ZNF577: variants seen among roughly 807,000 people sequenced by gnomAD.
ZNF577 encodes the protein zinc finger protein 577.
In ZNF577, 14 loss-of-function variants were observed where a neutral mutation model predicts 13.9. That is an observed-to-expected ratio of 1.00 (90% CI 0.66 to 1.57). The LOEUF is 1.57. Ranked by LOEUF, ZNF577 falls within the 40% of genes most tolerant of loss-of-function variation. ZNF577 has a pLI of 0.00. For missense variants in ZNF577, 555 were observed against 579.2 expected, an observed-to-expected ratio of 0.96 and a Z score of 0.43; for synonymous variants, 203 against 202.9, an observed-to-expected ratio of 1.00 and a Z score of 0.00.
chr19:51,880,896 A>G lies in ZNF577; in HGVS notation c.-218-19T>C, dbSNP rs1411502345. 6.5e-6 allele frequency: 1 copy of G among 154,674 alleles called. No homozygotes were observed. Among genetic ancestry groups the G allele is most frequent in the Non-Finnish European group, 1.4e-5 (1 of 69,508 alleles). 9.6% of individuals were successfully genotyped at this position (154,674 alleles called of 1,614,324 possible). A position where few individuals can be genotyped will look rare whatever the true frequency, so the allele number is the denominator to read the frequency against. On this transcript the variant is annotated intron_variant, in intron 1 of 5. Coordinates refer to ENST00000638348, the MANE Select transcript of ZNF577 (RefSeq NM_001370449.1). ...CCAGAACCTGTGGATTCAAGACCAA[A>G]TTCAATGATAAGAAGACATGCTCCT...
downstream of ZNF577, among the ~76,000 whole-genome samples, chr19:51,864,177 A>T (rs2084533833): frequency 6.6e-6 from 1 of 152,190 alleles, no homozygotes; most frequent in Admixed American, 6.5e-5. Context: ...ATGAGTACAG[A>T]TTTGCTACAT....
chr19:51,858,430 C>A (rs1462796220), intron 5 of ZNF577, among the ~76,000 whole-genome samples: 1 of 152,178 alleles, frequency 6.6e-6, no homozygotes, highest in Non-Finnish European at 1.5e-5. Flanking sequence ...GAACATATGA[C>A]ACACACAAAC....
At position 51,872,898 on chromosome 19, in the gene ZNF577, G is replaced by A. The variant is rs1329767986; in HGVS notation, c.1092C>T (p.Ala364=). ...CATGTTTAATGAGGACTGACATGTGGGCAAAGGCTTTGCCACATTCTCTGC... is the reference window on the plus strand; with the variant it reads ...CATGTTTAATGAGGACTGACATGTGAGCAAAGGCTTTGCCACATTCTCTGC... The part of the protein sequence containing the change: ...YSCRECGKAF[A]HMSVLIKHEK... The change falls in exon 6 of 6, where the codon GCC becomes GCT. Residue 364 remains alanine, a synonymous_variant. Coordinates refer to ENST00000638348, the MANE Select transcript of ZNF577 (RefSeq NM_001370449.1). The A allele has an allele frequency of 6.2e-7, 1 of 1,614,144 alleles. No homozygotes were observed. The highest frequency in any genetic ancestry group is 1.7e-5 in the Admixed American group (1 of 60,022).
chr19:51,848,175 A>T (rs2084363450), intron 5 of ZNF577, among the ~76,000 whole-genome samples: 2 of 152,186 alleles, frequency 1.3e-5, no homozygotes, highest in African/African-American at 2.4e-5. Context: ...CTGTCAGCGT[A>T]GGGCATGCTT....
intron 9 of ZNF577, among the ~76,000 whole-genome samples, chr19:51,813,119 AACACAC>A (rs35245083): frequency 0.014 from 1,929 of 137,200 alleles, 44 homozygotes; most frequent in African/African-American, 0.048. Context: ...GCTCTGTCTC[AACACAC>A]ACACACACAC....
rs1428158985 is a variant in ZNF577, at chr19:51,874,520, C to T, written c.284-814G>A. Among the ~76,000 whole-genome samples the T allele has an allele frequency of 4.0e-5, 6 of 151,650 alleles. No individual in the cohort carries two copies. The East Asian group carries it at 9.6e-4, about 24-fold the overall frequency. ...AAAAAATGTAAGAGAAGCTGGTTTACCCGGAATATCCTGAGCTTGAGTGAA... is the reference window on the plus strand; with the variant it reads ...AAAAAATGTAAGAGAAGCTGGTTTATCCGGAATATCCTGAGCTTGAGTGAA... On this transcript the variant is annotated intron_variant, in intron 5 of 5. Transcript: ENST00000638348.
At chr19:51,865,076 A>C (rs2084545394), downstream of ZNF577, among the ~76,000 whole-genome samples, 1 of 152,190 alleles carries the variant, frequency 6.6e-6, no homozygotes, top group Non-Finnish European at 1.5e-5. Context: ...TTCTGCATGC[A>C]ACAGTCAATG....
In ZNF577 at chr19:51,886,912, A is replaced by C. The variant is rs536080736; in HGVS notation, c.-310T>G. 4 of 152,368 alleles carry C rather than the reference A, an allele frequency of 2.6e-5. No individual in the cohort carries two copies. The South Asian group carries it at 8.3e-4, about 32-fold the overall frequency. The allele number at this position is 152,368 out of a possible 1,614,324, so 9.4% of individuals were successfully genotyped here. On this transcript the variant is annotated 5_prime_UTR_variant, in exon 1 of 6. Coordinates refer to ENST00000638348, the MANE Select transcript of ZNF577 (RefSeq NM_001370449.1). ...TATTTGCAGATGACAAAAATGCTCA[A>C]CTAGAAAAAAGACGTCAATTTATAA...
intron 10 of ZNF577, chr19:51,805,321 A>G (rs1398599267): frequency 2.6e-5 from 4 of 152,364 alleles, no homozygotes; most frequent in East Asian, 1.9e-4. Context: ...TTACTGTGGT[A>G]CTTTAGATAG....
At chr19:51,881,256 A>G (rs1482069207) in intron 1 of ZNF577, among the ~76,000 whole-genome samples, 1 of 152,124 alleles carries the variant, frequency 6.6e-6, no homozygotes, top group Non-Finnish European at 1.5e-5. Flanking sequence ...AGATGGGTGG[A>G]TCTCACCTGA....
rs6509585 is a variant in ZNF577, at chr19:51,870,865, C to T, written c.*1667G>A. Among the ~76,000 whole-genome samples, 71,056 of 151,904 alleles carry T rather than the reference C, an allele frequency of 0.47. 17,789 individuals are homozygous for T. The highest frequency in any genetic ancestry group is 0.64 in the African/African-American group (26,601 of 41,444). On this transcript the variant is annotated 3_prime_UTR_variant, in exon 6 of 6. Coordinates refer to ENST00000638348, the MANE Select transcript of ZNF577 (RefSeq NM_001370449.1). Reference sequence around the variant, plus strand: ...AAGCTGGGGCAATCATAAGGCTCATCTCATTGTTTCCTTTCTGTCATGGAA... The same window carrying T: ...AAGCTGGGGCAATCATAAGGCTCATTTCATTGTTTCCTTTCTGTCATGGAA...
rs2084601963 is a variant in ZNF577, at chr19:51,868,525, T to C, written c.*4007A>G. 6.6e-6 allele frequency among the ~76,000 whole-genome samples: 1 copy of C among 152,024 alleles called. No homozygotes were observed. Among genetic ancestry groups the C allele is most frequent in the Admixed American group, 6.6e-5 (1 of 15,266 alleles). ...CAGGGCAGACTCACCAAGAACCGAC[T>C]GGGTCTGACCCACCAAAGACTGCCC... On this transcript the variant is annotated 3_prime_UTR_variant, in exon 6 of 6. Coordinates refer to ENST00000638348, the MANE Select transcript of ZNF577 (RefSeq NM_001370449.1).
chr19:51,810,605 T>C (rs1480026996), intron 10 of ZNF577, among the ~76,000 whole-genome samples: 2 of 152,170 alleles, frequency 1.3e-5, no homozygotes, highest in African/African-American at 4.8e-5. Flanking sequence ...TCCAGCAACA[T>C]GGTTCTGTTT....
chr19:51,849,888 A>G (rs1260360733), intron 5 of ZNF577, among the ~76,000 whole-genome samples: 2 of 152,212 alleles, frequency 1.3e-5, no homozygotes, highest in African/African-American at 4.8e-5. Flanking sequence ...TCAACAAAAG[A>G]ACAAACTACT....
chr19:51,844,746 T>C (rs2084341423), intron 6 of ZNF577: 1 of 152,200 alleles, frequency 6.6e-6, no homozygotes, highest in African/African-American at 2.4e-5. Context: ...GGGAAGTAAA[T>C]AAACACCTCA....
intron 9 of ZNF577, among the ~76,000 whole-genome samples, chr19:51,837,794 G>A (rs2084296308): frequency 6.6e-6 from 1 of 152,218 alleles, no homozygotes; most frequent in Non-Finnish European, 1.5e-5. Flanking sequence ...ATGGTTACAT[G>A]ATAATATTTA....
rs1568433440 is a variant in ZNF577 at position 51,824,604 on chromosome 19, C to T, written c.*600-12930G>A. Reference sequence around the variant, plus strand: ...CAAAATCATTCTTGTCCTGATTAACCCAACAAGCTCCTTGGCCTTTTTTAA... The same window carrying T: ...CAAAATCATTCTTGTCCTGATTAACTCAACAAGCTCCTTGGCCTTTTTTAA... On this transcript the variant is annotated intron_variant and NMD_transcript_variant, in intron 9 of 10. Transcript: ENST00000638827. The surrounding 1 kb of genome is among the most constrained non-coding windows in gnomAD (Gnocchi z 4.7). 6.2e-7 allele frequency: 1 copy of T among 1,614,104 alleles called. No homozygotes were observed. The highest frequency in any genetic ancestry group is 8.5e-7 in the Non-Finnish European group (1 of 1,179,998).
At chr19:51,837,339 T>G (rs527866838) in intron 9 of ZNF577, among the ~76,000 whole-genome samples, 3 of 152,214 alleles carry the variant, frequency 2.0e-5, no homozygotes, top group Non-Finnish European at 2.9e-5. Flanking sequence ...TGAGCGCTGA[T>G]TGGCCAGGGA....
In ZNF577 at chr19:51,869,874, C is replaced by T. The variant is rs925857886; in HGVS notation, c.*2658G>A. On this transcript the variant is annotated 3_prime_UTR_variant, in exon 6 of 6. Coordinates refer to ENST00000638348, the MANE Select transcript of ZNF577 (RefSeq NM_001370449.1). ...AAGCACTGCCCATGGCCAAACTACA[C>T]TTCCTAGGAAGCTCAGCAGCCCTGT... is the stretch of plus-strand genomic sequence containing the variant. Among the ~76,000 whole-genome samples, 1 of 152,158 alleles carries T rather than the reference C, an allele frequency of 6.6e-6. No homozygotes were observed. The highest frequency in any genetic ancestry group is 1.5e-5 in the Non-Finnish European group (1 of 67,990).
Sources: allele counts gnomAD v4.1 joint callset (sites outside exome capture counted in the v4.1 genomes callset), GRCh38; gene constraint gnomAD v4.1.1; non-coding constraint Gnocchi (gnomAD v3.1); transcripts MANE v1.5; gene names NCBI Gene and HGNC (gene_info 2026-07-23, HGNC 2026-07-21).